The following MALRD1 variants were observed in gnomAD, a reference collection of about 807,000 sequenced individuals.
MALRD1 encodes the protein MAM and LDL receptor class A domain containing 1, also known as MAM and LDL-receptor class A domain-containing protein 1.
MALRD1 carries 247 observed loss-of-function variants against 242.1 expected under a neutral mutation model. The observed-to-expected ratio is 1.02, with a 90% CI of 0.92 to 1.13. The LOEUF (loss-of-function observed/expected upper bound fraction) is 1.13. MALRD1 is among the 50% of genes most tolerant of loss of function. MALRD1 has a pLI of 0.00. For missense variants in MALRD1, 2,989 were observed against 2,533.1 expected (o/e 1.18, Z -3.86); for synonymous variants, 995 against 866.6 (o/e 1.15, Z -2.60).
At chr10:19,086,979 G>T (rs554980147) in intron 2 of MALRD1, among the ~76,000 whole-genome samples, 11 of 152,046 alleles carry the variant, frequency 7.2e-5, no homozygotes, top group Admixed American at 5.9e-4. Flanking sequence ...AAAGAGAAAG[G>T]AATGTGCTTA....
chr10:19,312,789 T>C lies in MALRD1; in HGVS notation c.3420-11160T>C, dbSNP rs150405475. On this transcript the variant is annotated intron_variant, in intron 21 of 39. Coordinates refer to ENST00000454679, the MANE Select transcript of MALRD1 (RefSeq NM_001142308.3). Reference sequence around the variant, plus strand: ...CATTAGATGAAATTTAGATGACATTTAGATGAAATTAGATTTTAAATTTCC... The same window carrying C: ...CATTAGATGAAATTTAGATGACATTCAGATGAAATTAGATTTTAAATTTCC... Among the ~76,000 whole-genome samples the C allele has an allele frequency of 3.5e-3, 538 of 151,552 alleles. 4 individuals carry two copies. Among genetic ancestry groups the C allele is most frequent in the African/African-American group, 0.013 (522 of 41,474 alleles).
chr10:19,132,213 G>A (rs960287419), intron 8 of MALRD1, among the ~76,000 whole-genome samples: 32 of 152,230 alleles, frequency 2.1e-4, no homozygotes, highest in Non-Finnish European at 3.2e-4. Context: ...GGAAAGTGGT[G>A]AATGCAATTT....
intron 29 of MALRD1, among the ~76,000 whole-genome samples, chr10:19,475,032 A>G (rs1368673803): frequency 6.6e-6 from 1 of 152,252 alleles, no homozygotes; most frequent in Non-Finnish European, 1.5e-5. Flanking sequence ...CATGAGAAAT[A>G]TGAGGCTCAG....
chr10:19,615,626 C>A (rs940997353), intron 35 of MALRD1, among the ~76,000 whole-genome samples: 1 of 150,640 alleles, frequency 6.6e-6, no homozygotes, highest in Non-Finnish European at 1.5e-5. Context: ...TCTGTTTTTG[C>A]GGATTATTCA....
At chr10:19,655,107 A>G (rs1841080149) in intron 36 of MALRD1, among the ~76,000 whole-genome samples, 1 of 152,204 alleles carries the variant, frequency 6.6e-6, no homozygotes, top group African/African-American at 2.4e-5. Flanking sequence ...TGTAGACAGA[A>G]TAAAGCTGCA....
chr10:19,151,446 C>A (rs1833939506), intron 11 of MALRD1, among the ~76,000 whole-genome samples: 1 of 151,986 alleles, frequency 6.6e-6, no homozygotes, highest in African/African-American at 2.4e-5. Flanking sequence ...ATTTTATTTT[C>A]TAGGATCACA....
intron 28 of MALRD1, among the ~76,000 whole-genome samples, chr10:19,441,818 CT>C (rs138500373): frequency 0.7 from 106,512 of 151,634 alleles, 37,467 homozygotes; most frequent in Non-Finnish European, 0.74. Context: ...AATGTGGGCT[CT>C]TTTTTGGTTC....
chr10:19,211,613 G>A (rs1837071850), intron 18 of MALRD1, among the ~76,000 whole-genome samples: 1 of 135,830 alleles, frequency 7.4e-6, no homozygotes, highest in African/African-American at 2.8e-5. Context: ...CTTGAACCCA[G>A]GAGGCTGAAG....
chr10:19,136,000 ACT>A (rs1270512681), intron 9 of MALRD1, among the ~76,000 whole-genome samples: 1 of 151,976 alleles, frequency 6.6e-6, no homozygotes, highest in African/African-American at 2.4e-5. Flanking sequence ...TAAAGAAATT[ACT>A]CTTTTATGTA....
intron 31 of MALRD1, among the ~76,000 whole-genome samples, chr10:19,524,647 C>G (rs1834020697): frequency 6.6e-6 from 1 of 151,898 alleles, no homozygotes; most frequent in South Asian, 2.1e-4. Context: ...AAGAATGGAG[C>G]TTTTGCTATT....
intron 28 of MALRD1, among the ~76,000 whole-genome samples, chr10:19,399,361 C>T (rs1026830405): frequency 6.6e-6 from 1 of 152,116 alleles, no homozygotes; most frequent in African/African-American, 2.4e-5. Context: ...AAAATTGTAA[C>T]AGTTTTCAGC....
intron 36 of MALRD1, among the ~76,000 whole-genome samples, chr10:19,617,831 C>G (rs142648313): frequency 4.3e-4 from 65 of 152,048 alleles, no homozygotes; most frequent in African/African-American, 9.4e-4. Flanking sequence ...TGTAACAAAC[C>G]TACACATGTA....
rs551456624 is a variant in MALRD1 at position 19,326,693 on chromosome 10, A to G, written c.3577-870A>G. Among the ~76,000 whole-genome samples the G allele has an allele frequency of 4.6e-5, 7 of 152,176 alleles. No individual in the cohort carries two copies. In the East Asian group the frequency reaches 1.4e-3, roughly 29 times the overall value. On this transcript the variant is annotated intron_variant, in intron 22 of 39. Transcript: ENST00000454679. The stretch of plus-strand genomic sequence containing the variant: ...TTTTTCTATGACTCTGGAAACTCCA[A>G]TTATATTTTAAAAATGTGAATTTAA...
intron 13 of MALRD1, among the ~76,000 whole-genome samples, chr10:19,171,715 T>TATAA (rs2131527834): frequency 1.5e-5 from 2 of 134,864 alleles, no homozygotes; most frequent in South Asian, 4.7e-4. Context: ...TATATACGTA[T>TATAA]ATACACGTAT....
At chr10:19,481,515 C>G (rs1269942425) in intron 29 of MALRD1, among the ~76,000 whole-genome samples, 1 of 152,124 alleles carries the variant, frequency 6.6e-6, no homozygotes, top group African/African-American at 2.4e-5. Flanking sequence ...AATAAGAGAG[C>G]AACCAAGTGA....
chr10:19,059,775 C>T (rs976547475), intron 1 of MALRD1, among the ~76,000 whole-genome samples: 13 of 151,954 alleles, frequency 8.6e-5, no homozygotes, highest in African/African-American at 3.1e-4. Context: ...AGCAATTGTG[C>T]TTATTTTAGA....
chr10:19,453,598 C>T (rs534638612), intron 29 of MALRD1, among the ~76,000 whole-genome samples: 6 of 152,174 alleles, frequency 3.9e-5, no homozygotes, highest in South Asian at 2.1e-4. Context: ...AATTTTAGGC[C>T]GGGCACTGTG....
chr10:19,158,114 A>G (rs925139154), intron 12 of MALRD1, among the ~76,000 whole-genome samples: 3 of 152,242 alleles, frequency 2.0e-5, no homozygotes, highest in Non-Finnish European at 2.9e-5. Context: ...TGCTGTTGAA[A>G]TGCTGTTACT....
In MALRD1 at chr10:19,692,521, T is replaced by A; in HGVS notation, c.6281T>A (p.Leu2094Ter). The A allele has an allele frequency of 6.5e-7, 1 of 1,535,874 alleles. No individual in the cohort carries two copies. The highest frequency in any genetic ancestry group is 1.2e-5 in the South Asian group (1 of 84,030). ...FLMTHITVAV[L>*]CFLANRKVPI... is the part of the protein sequence containing the mutation. Reference sequence around the variant, plus strand: ...ATGACTCACATCACAGTTGCAGTCTTGTGTTTTCTTGCAAACAGAAAGGTA... The same window carrying A: ...ATGACTCACATCACAGTTGCAGTCTAGTGTTTTCTTGCAAACAGAAAGGTA... Residue 2094 changes from leucine to a stop codon, truncating the protein, a stop_gained, in exon 38 of 40, where the codon TTG becomes TAG. Transcript: ENST00000454679. LOFTEE classifies it high-confidence loss of function.
Sources: allele counts gnomAD v4.1 joint callset (sites outside exome capture counted in the v4.1 genomes callset), GRCh38; gene constraint gnomAD v4.1.1; transcripts MANE v1.5; gene names NCBI Gene and HGNC (gene_info 2026-07-23, HGNC 2026-07-21).